PCDHGB3: variants seen among roughly 807,000 people sequenced by gnomAD.
PCDHGB3 encodes the protein protocadherin gamma subfamily B, 3.
In PCDHGB3, 40 loss-of-function variants were observed where a neutral mutation model predicts 59.2. The observed-to-expected ratio is 0.68, with a 90% CI of 0.52 to 0.88. PCDHGB3 has a LOEUF of 0.88. Ranked by LOEUF, PCDHGB3 falls within the 40% of genes least tolerant of loss-of-function variation. The probability of loss-of-function intolerance (pLI) is 0.00; values close to 1 mark genes in which losing one functional copy is unlikely to be tolerated. For missense variants in PCDHGB3, 1,309 were observed against 1,187.9 expected (o/e 1.10, Z -1.50); for synonymous variants, 581 against 503.6 (o/e 1.15, Z -2.06).
chr5:141,398,832 C>T (rs967769671), intron 1 of PCDHGB3: 3 of 1,614,000 alleles, frequency 1.9e-6, no homozygotes, highest in Non-Finnish European at 1.7e-6. Flanking sequence ...TAACCGACGC[C>T]AATGATAATC....
Position 141,489,948 on chromosome 5 carries a change from T to G in PCDHGB3, c.2416-4859T>G. The G allele has an allele frequency of 6.2e-7, 1 of 1,614,210 alleles. No homozygotes were observed. Among genetic ancestry groups the G allele is most frequent in the Non-Finnish European group, 8.5e-7 (1 of 1,180,030 alleles). ...TCTCTGTCATCGTGCTGGACATCAA[T>G]GATAATGCTCCAACCTTCCAATCCT... On this transcript the variant is annotated intron_variant, in intron 1 of 3. Transcript: ENST00000576222. The surrounding 1 kb of genome is among the most constrained non-coding windows in gnomAD (Gnocchi z 4.5).
At position 141,383,914 on chromosome 5, in the gene PCDHGB3, G is replaced by T. The variant is rs1167823249; in HGVS notation, c.2415+11105G>T. ...GGCAAAAGTACTGATCACAGTTTTA[G>T]ATGTAAATGATAATGCTCCAGAAGT... On this transcript the variant is annotated intron_variant, in intron 1 of 3. Transcript: ENST00000576222. The T allele has an allele frequency of 6.2e-7, 1 of 1,613,958 alleles. No individual in the cohort carries two copies. Among genetic ancestry groups the T allele is most frequent in the Admixed American group, 1.7e-5 (1 of 60,022 alleles).
At chr5:141,467,597 A>T (rs2099147099) in intron 1 of PCDHGB3, among the ~76,000 whole-genome samples, 1 of 152,136 alleles carries the variant, frequency 6.6e-6, no homozygotes, top group Non-Finnish European at 1.5e-5. Flanking sequence ...TTTATTAAGC[A>T]CTTCATCTTT....
In PCDHGB3 at chr5:141,372,010, C is replaced by T. The variant is rs965282099; in HGVS notation, c.1616C>T (p.Ser539Leu). 7 of 1,613,262 alleles carry T rather than the reference C, an allele frequency of 4.3e-6. No individual in the cohort carries two copies. The highest frequency in any genetic ancestry group is 5.1e-6 in the Non-Finnish European group (6 of 1,179,748). The change falls in exon 1 of 4, where the codon TCG becomes TTG. Residue 539 changes from serine (S) to leucine (L), a missense_variant. Ser to Leu is a moderately radical substitution (Grantham distance 145). Transcript: ENST00000576222. The stretch of plus-strand genomic sequence containing the variant: ...ACTCTGCAGGCCCGCGACCAGGGCT[C>T]GCCTACGCTCAGCGCCAACGTGAGC... ...ELTLQARDQG[S>L]PTLSANVSLR...
At chr5:141,418,000 G>T in intron 1 of PCDHGB3, 1 of 1,613,902 alleles carries the variant, frequency 6.2e-7, no homozygotes, top group Non-Finnish European at 8.5e-7. Context: ...GCTCGGTGGT[G>T]GGGAACCTCG....
chr5:141,420,405 T>C (rs1188012975), intron 1 of PCDHGB3: 7 of 1,241,232 alleles, frequency 5.6e-6, no homozygotes, highest in East Asian at 5.7e-5. Flanking sequence ...AAATTTATGG[T>C]TATCATTATT....
At chr5:141,409,954 C>T (rs774233531) in intron 1 of PCDHGB3, 3 of 1,613,356 alleles carry the variant, frequency 1.9e-6, no homozygotes, top group South Asian at 1.1e-5. Flanking sequence ...CTGCAGAGCC[C>T]GGCTACCTAG....
At position 141,418,815 on chromosome 5, in the gene PCDHGB3, T is replaced by C. The variant is rs368396202; in HGVS notation, c.2415+46006T>C. The stretch of plus-strand genomic sequence containing the variant: ...GAAGTAGAAAGATATACGATAAACA[T>C]AGAAGCAAAAGACCGAGGATCTCTC... On this transcript the variant is annotated intron_variant, in intron 1 of 3. Transcript: ENST00000576222. 509 of 1,613,744 alleles carry C rather than the reference T, an allele frequency of 3.2e-4. No homozygotes were observed. The highest frequency in any genetic ancestry group is 4.1e-4 in the Non-Finnish European group (488 of 1,179,804).
chr5:141,410,746 C>A (rs1489353130), intron 1 of PCDHGB3: 28 of 1,269,804 alleles, frequency 2.2e-5, no homozygotes, highest in Non-Finnish European at 2.7e-5. Flanking sequence ...ACAATATTTT[C>A]TCAATGTTTT....
At chr5:141,464,096 C>T (rs2099075769) in intron 1 of PCDHGB3, among the ~76,000 whole-genome samples, 1 of 152,016 alleles carries the variant, frequency 6.6e-6, no homozygotes, top group African/African-American at 2.4e-5. Context: ...GAAACTCCGT[C>T]TCTACTAAAA....
At chr5:141,456,215 C>T (rs1465130067) in intron 1 of PCDHGB3, among the ~76,000 whole-genome samples, 2 of 152,048 alleles carry the variant, frequency 1.3e-5, no homozygotes, top group African/African-American at 2.4e-5. Flanking sequence ...CTCCCTGTGG[C>T]GATATCAAAC....
At chr5:141,460,214 G>A (rs925628892) in intron 1 of PCDHGB3, among the ~76,000 whole-genome samples, 2 of 151,896 alleles carry the variant, frequency 1.3e-5, no homozygotes, top group Admixed American at 6.6e-5. Flanking sequence ...CATTTTCTTA[G>A]TTGTGTCTTT....
intron 1 of PCDHGB3, chr5:141,394,570 A>G: frequency 6.2e-7 from 1 of 1,613,768 alleles, no homozygotes; most frequent in Non-Finnish European, 8.5e-7. Flanking sequence ...GAGCGTGGCT[A>G]CCTGGTGACC....
rs776721321 is a variant in PCDHGB3, at chr5:141,431,084, C to A, written c.2415+58275C>A. ...CAAGTGTCAATTAAATCTAGACATT[C>A]TGATGGAGGATAAAGTGAAAATATA... is the stretch of plus-strand genomic sequence containing the variant. On this transcript the variant is annotated intron_variant, in intron 1 of 3. Coordinates refer to ENST00000576222, the MANE Select transcript of PCDHGB3 (RefSeq NM_018924.5). This position sits in a 1 kb window ranked among gnomAD's most constrained non-coding sequence, Gnocchi z 4.8. The A allele has an allele frequency of 1.2e-6, 2 of 1,614,060 alleles. No homozygotes were observed. Among genetic ancestry groups the A allele is most frequent in the Non-Finnish European group, 1.7e-6 (2 of 1,180,002 alleles).
intron 1 of PCDHGB3, chr5:141,399,710 T>C: frequency 6.2e-7 from 1 of 1,613,346 alleles, no homozygotes; most frequent in South Asian, 1.1e-5. Flanking sequence ...GAACTCACAC[T>C]ACAGGCCCGC....
chr5:141,371,937 T>C lies in PCDHGB3; in HGVS notation c.1543T>C (p.Phe515Leu). 1 of 1,613,290 alleles carries C rather than the reference T, an allele frequency of 6.2e-7. No homozygotes were observed. The change falls in exon 1 of 4, where the codon TTC (phenylalanine) becomes CTC (leucine). Residue 515 changes from phenylalanine (F) to leucine (L), a missense_variant. Phe to Leu is a conservative substitution (Grantham distance 22). Transcript: ENST00000576222. ...CGTGAGCGCGCGGAGCGGGGTGGTG[T>C]TCGCGCAGCGAGCCTTCGACCACGA... ...VSVSARSGVV[F>L]AQRAFDHEQL...
rs928847931 is a variant in PCDHGB3 at position 141,385,514 on chromosome 5, G to A, written c.2415+12705G>A. 5 of 1,363,488 alleles carry A rather than the reference G, an allele frequency of 3.7e-6. No homozygotes were observed. The African/African-American group carries it at 5.9e-5, about 16-fold the overall frequency. The allele number at this position is 1,363,488 out of a possible 1,614,324, so 84.5% of individuals were successfully genotyped here. ...AGGATATAGTATTTCTTTAGTGAAA[G>A]CCTATGGACAAGATTATGAATATGT... is the stretch of plus-strand genomic sequence containing the variant. On this transcript the variant is annotated intron_variant, in intron 1 of 3. Transcript: ENST00000576222.
intron 1 of PCDHGB3, chr5:141,409,586 G>C: frequency 6.2e-7 from 1 of 1,613,908 alleles, no homozygotes; most frequent in Non-Finnish European, 8.5e-7. Flanking sequence ...GGTCCACGTG[G>C]CCGAGAACAA....
At chr5:141,393,270 C>A in intron 1 of PCDHGB3, 1 of 1,613,916 alleles carries the variant, frequency 6.2e-7, no homozygotes, top group East Asian at 2.2e-5. Context: ...AGCACGTTAT[C>A]CACTCCCAGA....
Sources: gnomAD v4.1 joint callset for allele counts (sites outside exome capture counted in the v4.1 genomes callset) on GRCh38, gnomAD v4.1.1 for gene constraint, Gnocchi (gnomAD v3.1) non-coding constraint, MANE v1.5 for transcripts, NCBI Gene and HGNC (gene_info 2026-07-23, HGNC 2026-07-21) for gene names.